Variants in RAB3GAP1 observed in about 807,000 individuals in gnomAD.
RAB3GAP1 encodes rab3 GTPase-activating protein catalytic subunit.
In RAB3GAP1, 86 loss-of-function variants were observed where a neutral mutation model predicts 130.7. The ratio of observed to expected loss-of-function variants is 0.66; its 90% CI spans 0.55 to 0.79. The LOEUF (loss-of-function observed/expected upper bound fraction) is 0.79, where lower values mean the gene tolerates loss of function less well. Among genes scored for constraint, RAB3GAP1 ranks in the 30% least tolerant of loss-of-function variants. The pLI is 0.00. For synonymous variants in RAB3GAP1, 367 were observed against 401.7 expected (o/e 0.91, Z 1.03); for missense variants, 1,029 against 1,169.4 (o/e 0.88, Z 1.75).
chr2:135,090,210 T>G (rs1350085845), intron 3 of RAB3GAP1, among the ~76,000 whole-genome samples: 1 of 152,240 alleles, frequency 6.6e-6, no homozygotes, highest in Non-Finnish European at 1.5e-5. Flanking sequence ...TTTAATTTAA[T>G]TTAGAATTAT....
chr2:135,054,852 A>G (rs572812775), intron 2 of RAB3GAP1, among the ~76,000 whole-genome samples: 2 of 152,350 alleles, frequency 1.3e-5, no homozygotes, highest in South Asian at 2.1e-4. Flanking sequence ...GCATTTTACA[A>G]TTCATGAGAG....
At chr2:135,115,589 A>G (rs1478531444) in intron 7 of RAB3GAP1, among the ~76,000 whole-genome samples, 3 of 152,216 alleles carry the variant, frequency 2.0e-5, no homozygotes, top group Non-Finnish European at 2.9e-5. Context: ...TGCTAAAGCA[A>G]CAACTGATTT....
At chr2:135,069,285 G>T (rs568516443) in intron 3 of RAB3GAP1, among the ~76,000 whole-genome samples, 50 of 152,292 alleles carry the variant, frequency 3.3e-4, no homozygotes, top group African/African-American at 1.0e-3. Context: ...TTAAAATATG[G>T]TGATGGTGGC....
intron 24 of RAB3GAP1, among the ~76,000 whole-genome samples, chr2:135,176,060 G>A (rs1021391776): frequency 1.1e-4 from 16 of 152,060 alleles, no homozygotes; most frequent in Non-Finnish European, 1.8e-4. Flanking sequence ...CCCAAAATAC[G>A]GTTTTTGGTG....
chr2:135,150,539 T>C, intron 18 of RAB3GAP1, 33 bp downstream of exon 18: 3 of 1,613,050 alleles, frequency 1.9e-6, no homozygotes, highest in Non-Finnish European at 2.5e-6. Context: ...TGGGGTCTAT[T>C]TTGAGCTATT....
chr2:135,167,779 C>T (rs1692700409), intron 23 of RAB3GAP1: 3 of 1,315,376 alleles, frequency 2.3e-6, no homozygotes, highest in Non-Finnish European at 2.1e-6. Context: ...TTCATAAGGT[C>T]ATTAACACTA....
At chr2:135,099,431 CTGTGTGTGTGTGTGTG>C (rs141856311) in intron 5 of RAB3GAP1, among the ~76,000 whole-genome samples, 1 of 142,494 alleles carries the variant, frequency 7.0e-6, no homozygotes, top group Non-Finnish European at 1.6e-5. Context: ...ATTTGTATTT[CTGTGTGTGTGTGTGTG>C]TGTGTGTGTG....
intron 3 of RAB3GAP1, among the ~76,000 whole-genome samples, chr2:135,073,917 C>A (rs1432665398): frequency 1.3e-5 from 2 of 152,166 alleles, no homozygotes; most frequent in Non-Finnish European, 2.9e-5. Flanking sequence ...ACTGCAGTTT[C>A]TCCCAGGGCA....
chr2:135,162,784 T>TA lies in RAB3GAP1; in HGVS notation c.2426dup (p.Gln810AlafsTer8). On this transcript the variant is annotated frameshift_variant, in exon 21 of 24. Coordinates refer to ENST00000264158, the MANE Select transcript of RAB3GAP1 (RefSeq NM_012233.3). LOFTEE classifies it high-confidence loss of function. ...AACATTTCTTCAGTTAAGAAGATCA[T>TA]AAAGCAGATAATATCCCATTCCAGT... The TA allele has an allele frequency of 6.2e-7, 1 of 1,613,812 alleles. No homozygotes were observed.
intron 5 of RAB3GAP1, among the ~76,000 whole-genome samples, chr2:135,109,061 T>C (rs544206651): frequency 6.6e-6 from 1 of 152,278 alleles, no homozygotes; most frequent in South Asian, 2.1e-4. Context: ...ATTACCACAC[T>C]GTATTGATTT....
intron 2 of RAB3GAP1, among the ~76,000 whole-genome samples, chr2:135,057,505 G>T (rs1163815810): frequency 6.6e-6 from 1 of 152,150 alleles, no homozygotes; most frequent in African/African-American, 2.4e-5. Flanking sequence ...TGTGATTTTT[G>T]TGCCTCAGCC....
chr2:135,102,875 C>T (rs1446951221), intron 5 of RAB3GAP1, among the ~76,000 whole-genome samples: 1 of 151,272 alleles, frequency 6.6e-6, no homozygotes, highest in Non-Finnish European at 1.5e-5. Context: ...ATTAGCCGGG[C>T]GTGGTGGCGC....
chr2:135,150,552 G>T (rs1692146011), intron 18 of RAB3GAP1, 46 bp downstream of exon 18: 1 of 1,611,092 alleles, frequency 6.2e-7, no homozygotes. Flanking sequence ...GAGCTATTCT[G>T]GGATGAAACT....
chr2:135,101,148 T>G lies in RAB3GAP1; in HGVS notation c.362+7455T>G, dbSNP rs367946189. Among the ~76,000 whole-genome samples, 3 of 152,332 alleles carry G rather than the reference T, an allele frequency of 2.0e-5. No individual in the cohort carries two copies. The East Asian group carries it at 5.8e-4, about 29-fold the overall frequency. Reference sequence around the variant, plus strand: ...GTATGTGGGTATTTTAAGACTAATGTGAACCAGACATCTTAAGAGGATTTC... The same window carrying G: ...GTATGTGGGTATTTTAAGACTAATGGGAACCAGACATCTTAAGAGGATTTC... On this transcript the variant is annotated intron_variant, in intron 5 of 23. Transcript: ENST00000264158.
At chr2:135,134,360 A>T (rs1691625828) in intron 15 of RAB3GAP1, among the ~76,000 whole-genome samples, 1 of 152,330 alleles carries the variant, frequency 6.6e-6, no homozygotes, top group African/African-American at 2.4e-5. Context: ...GAATATTTTA[A>T]TGCATATACA....
chr2:135,081,327 AATATATATATATATATAT>A lies in RAB3GAP1; in HGVS notation c.151-9653_151-9636del, dbSNP rs1214688390. 2.8e-3 allele frequency among the ~76,000 whole-genome samples: 180 copies of A among 64,030 alleles called. 1 individual carries two copies. Among genetic ancestry groups the A allele is most frequent in the Middle Eastern group, 0.02 (1 of 50 alleles). 42.0% of individuals were successfully genotyped at this position (64,030 alleles called of 152,430 possible). ...GTCTCAAAAAAAAAAAAAAAAAAAA[AATATATATATATATATAT>A]ATATATATATATATATACACACACG... On this transcript the variant is annotated intron_variant, in intron 3 of 23. Transcript: ENST00000264158.
intron 22 of RAB3GAP1, among the ~76,000 whole-genome samples, chr2:135,163,363 G>T (rs987768856): frequency 6.6e-6 from 1 of 152,264 alleles, no homozygotes; most frequent in Non-Finnish European, 1.5e-5. Context: ...GTTTGCTCTT[G>T]GAGATGTGGT....
At chr2:135,083,507 C>A (rs184295859) in intron 3 of RAB3GAP1, among the ~76,000 whole-genome samples, 152 of 152,168 alleles carry the variant, frequency 1.0e-3, no homozygotes, top group Middle Eastern at 3.4e-3. Flanking sequence ...GTTGCCCAGG[C>A]TGAATTGCAG....
intron 3 of RAB3GAP1, chr2:135,089,626 A>C (rs1690086114): frequency 1.3e-5 from 2 of 157,608 alleles, no homozygotes. Context: ...CTATAAAGAC[A>C]CAGGCACATG....
Sources: gnomAD v4.1 joint callset for allele counts (sites outside exome capture counted in the v4.1 genomes callset) on GRCh38, gnomAD v4.1.1 for gene constraint, MANE v1.5 for transcripts, NCBI Gene and HGNC (gene_info 2026-07-23, HGNC 2026-07-21) for gene names.